PCDH9: variants seen among roughly 807,000 people sequenced by gnomAD.
The protein encoded by PCDH9 is protocadherin-9.
PCDH9 carries 24 observed loss-of-function variants against 70.6 expected under a neutral mutation model. That is an observed-to-expected ratio of 0.34 (90% confidence interval 0.25 to 0.48). The LOEUF is 0.48. PCDH9 is among the 20% of genes least tolerant of loss of function. PCDH9 has a pLI of 0.99. For missense variants in PCDH9, 1,281 were observed against 1,503.6 expected (o/e 0.85, Z 2.45); for synonymous variants, 562 against 558.5 (o/e 1.01, Z -0.09).
intron 3 of PCDH9, among the ~76,000 whole-genome samples, chr13:66,744,444 C>T (rs1593994137): frequency 6.6e-6 from 1 of 151,852 alleles, no homozygotes; most frequent in Non-Finnish European, 1.5e-5. Context: ...TTGAAAAGTC[C>T]GAAACTAAAT....
In PCDH9 at chr13:66,326,867, GCCTC is replaced by G. The variant is rs1221830743; in HGVS notation, c.3341-21843_3341-21840del. ...AACTATTAAACATACAAAACAAAAT[GCCTC>G]TTCTTCCCCACCCAACTTAAGCACA... On this transcript the variant is annotated intron_variant, in intron 4 of 4. Transcript: ENST00000377865. 7.3e-3 allele frequency among the ~76,000 whole-genome samples: 1,116 copies of G among 152,184 alleles called. 8 individuals are homozygous for G. The highest frequency in any genetic ancestry group is 0.025 in the African/African-American group (1,045 of 41,494).
chr13:66,801,659 A>G (rs1460671991), intron 3 of PCDH9, among the ~76,000 whole-genome samples: 1 of 152,104 alleles, frequency 6.6e-6, no homozygotes, highest in Non-Finnish European at 1.5e-5. Context: ...ATGTGAATTC[A>G]AGAAAGAAAA....
chr13:66,926,485 G>A (rs974284941), intron 2 of PCDH9, among the ~76,000 whole-genome samples: 2 of 151,902 alleles, frequency 1.3e-5, no homozygotes, highest in African/African-American at 4.8e-5. Context: ...GTGGATTAAC[G>A]TTTCTATTGC....
intron 4 of PCDH9, among the ~76,000 whole-genome samples, chr13:66,422,001 G>A (rs1957576783): frequency 6.6e-6 from 1 of 152,142 alleles, no homozygotes; most frequent in Non-Finnish European, 1.5e-5. Context: ...AAAAGAGCAG[G>A]GGTTGCAATC....
At chr13:67,172,213 T>G (rs1048985587) in intron 2 of PCDH9, among the ~76,000 whole-genome samples, 1 of 152,130 alleles carries the variant, frequency 6.6e-6, no homozygotes, top group Non-Finnish European at 1.5e-5. Context: ...TCTAGCATGA[T>G]TGTTCTCACG....
intron 4 of PCDH9, among the ~76,000 whole-genome samples, chr13:66,334,563 A>G (rs143263166): frequency 1.3e-5 from 2 of 152,142 alleles, no homozygotes; most frequent in Non-Finnish European, 2.9e-5. Flanking sequence ...CAAAGTTTGG[A>G]CTTGCCAGCC....
chr13:66,769,407 G>T lies in PCDH9; in HGVS notation c.3138+134097C>A, dbSNP rs146300030. Among the ~76,000 whole-genome samples the T allele has an allele frequency of 3.4e-3, 520 of 151,960 alleles. 2 individuals are homozygous for T. Among genetic ancestry groups the T allele is most frequent in the African/African-American group, 0.012 (504 of 41,440 alleles). ...AATTGGGTATAGCACTACAATGAAA[G>T]TAGGGTTCATATAGAAAAATTAATA... On this transcript the variant is annotated intron_variant, in intron 3 of 4. Transcript: ENST00000377865.
chr13:66,493,016 T>C (rs566694095), intron 4 of PCDH9, among the ~76,000 whole-genome samples: 1 of 152,268 alleles, frequency 6.6e-6, no homozygotes, highest in Non-Finnish European at 1.5e-5. Context: ...GGGAAGACCC[T>C]AAACTGCGAT....
chr13:66,576,105 A>C (rs781341722), intron 4 of PCDH9, among the ~76,000 whole-genome samples: 2 of 151,794 alleles, frequency 1.3e-5, no homozygotes, highest in South Asian at 4.2e-4. Context: ...ATTCTTCAAC[A>C]GTACAAAGCA....
intron 4 of PCDH9, among the ~76,000 whole-genome samples, chr13:66,336,705 A>G (rs1185079078): frequency 6.6e-6 from 1 of 152,104 alleles, no homozygotes; most frequent in Non-Finnish European, 1.5e-5. Flanking sequence ...GGTTTTGAAT[A>G]ATAAGATGCA....
At chr13:67,214,686 T>A (rs2089549098) in intron 2 of PCDH9, 1 of 151,924 alleles carries the variant, frequency 6.6e-6, no homozygotes, top group African/African-American at 2.4e-5. Flanking sequence ...GATACTGTTA[T>A]GAAGATCAAT....
chr13:67,065,607 T>A (rs1315013760), intron 2 of PCDH9, among the ~76,000 whole-genome samples: 1 of 152,168 alleles, frequency 6.6e-6, no homozygotes, highest in Non-Finnish European at 1.5e-5. Flanking sequence ...GGGTTAATTT[T>A]AATTTTGAGC....
chr13:66,562,804 G>A (rs1288639943), intron 4 of PCDH9, among the ~76,000 whole-genome samples: 1 of 152,044 alleles, frequency 6.6e-6, no homozygotes, highest in African/African-American at 2.4e-5. Context: ...TCATGAAATG[G>A]AGTCACAGGA....
chr13:66,552,801 A>G (rs1961548120), intron 4 of PCDH9, among the ~76,000 whole-genome samples: 1 of 152,130 alleles, frequency 6.6e-6, no homozygotes, highest in Non-Finnish European at 1.5e-5. Context: ...TCATGCTGCT[A>G]ATAAAGATAT....
At chr13:66,565,158 G>T (rs1363261657) in intron 4 of PCDH9, among the ~76,000 whole-genome samples, 1 of 152,074 alleles carries the variant, frequency 6.6e-6, no homozygotes, top group Non-Finnish European at 1.5e-5. Flanking sequence ...TAACGCTTAG[G>T]TACTTGTATA....
chr13:67,100,752 A>G lies in PCDH9; in HGVS notation c.3036+124653T>C, dbSNP rs573125579. ...TATCAGGAAACACTTTGAGAATTTC[A>G]TTCCTTGGTTGCTTGCAAATTGCTC... On this transcript the variant is annotated intron_variant, in intron 2 of 4. Coordinates refer to ENST00000377865, the MANE Select transcript of PCDH9 (RefSeq NM_203487.3). Among the ~76,000 whole-genome samples the G allele has an allele frequency of 4.6e-5, 7 of 152,276 alleles. No individual in the cohort carries two copies. In the East Asian group the frequency reaches 7.7e-4, roughly 17 times the overall value.
intron 3 of PCDH9, among the ~76,000 whole-genome samples, chr13:66,867,825 CT>C (rs1037221070): frequency 6.6e-5 from 10 of 151,596 alleles, no homozygotes; most frequent in Admixed American, 1.3e-4. Context: ...GAAAAAAATC[CT>C]TTTTTTTATC....
intron 3 of PCDH9, among the ~76,000 whole-genome samples, chr13:66,791,650 TATA>T (rs1382936407): frequency 6.6e-6 from 1 of 152,168 alleles, no homozygotes; most frequent in Non-Finnish European, 1.5e-5. Flanking sequence ...GTAGTAATGC[TATA>T]ATTTGTACAT....
intron 3 of PCDH9, among the ~76,000 whole-genome samples, chr13:66,876,144 T>G (rs2081803599): frequency 6.6e-6 from 1 of 152,218 alleles, no homozygotes; most frequent in African/African-American, 2.4e-5. Context: ...TTGATAAAGT[T>G]ATTCATTAAA....
Sources: gnomAD v4.1 joint callset for allele counts (sites outside exome capture counted in the v4.1 genomes callset) on GRCh38, gnomAD v4.1.1 for gene constraint, MANE v1.5 for transcripts, NCBI Gene and HGNC (gene_info 2026-07-23, HGNC 2026-07-21) for gene names.